WWOX: variants seen among roughly 807,000 people sequenced by gnomAD.
The protein encoded by WWOX is WW domain-containing oxidoreductase.
WWOX carries 69 observed loss-of-function variants against 46.2 expected under a neutral mutation model. That is an observed-to-expected ratio of 1.49 (90% CI 1.23 to 1.82). The LOEUF is 1.82. WWOX is among the 40% of genes most tolerant of loss of function. The pLI is 0.00. For synonymous variants in WWOX, 359 were observed against 202.6 expected, an observed-to-expected ratio of 1.77 and a Z score of -6.56; for missense variants, 919 against 542.6, an observed-to-expected ratio of 1.69 and a Z score of -6.89.
chr16:79,180,122 G>A lies in WWOX; in HGVS notation c.1057-31486G>A, dbSNP rs532185708. On this transcript the variant is annotated intron_variant, in intron 8 of 8. Transcript: ENST00000566780. The stretch of plus-strand genomic sequence containing the variant: ...AGAAAGAATCTTTGCTATGTTAGAA[G>A]AGACTCTGGGGAATCCAGAGTCTTG... 1.1e-3 allele frequency among the ~76,000 whole-genome samples: 172 copies of A among 152,262 alleles called. 2 individuals are homozygous for A. The highest frequency in any genetic ancestry group is 4.0e-3 in the African/African-American group (166 of 41,562).
chr16:78,897,172 A>G (rs1265780867), intron 8 of WWOX: 2 of 136,642 alleles, frequency 1.5e-5, no homozygotes, highest in African/African-American at 5.3e-5. Context: ...ATCGCCTGGG[A>G]GGCAGAGGTT....
intron 8 of WWOX, among the ~76,000 whole-genome samples, chr16:78,893,713 C>G (rs916129253): frequency 6.6e-6 from 1 of 152,174 alleles, no homozygotes. Flanking sequence ...CTTCTGTGAA[C>G]TCATTAGCTT....
At chr16:79,032,013 G>C (rs568334890) in intron 8 of WWOX, among the ~76,000 whole-genome samples, 3 of 143,358 alleles carry the variant, frequency 2.1e-5, no homozygotes, top group Admixed American at 1.4e-4. Context: ...TTATTAGGTA[G>C]ACTCTCCTGG....
At chr16:78,344,623 C>A (rs981563960) in intron 5 of WWOX, among the ~76,000 whole-genome samples, 1 of 121,256 alleles carries the variant, frequency 8.2e-6, no homozygotes, top group African/African-American at 2.8e-5. Context: ...ACTGGCTGTA[C>A]AGAAGGGAAC....
At chr16:78,862,167 T>G (rs2043900634) in intron 8 of WWOX, among the ~76,000 whole-genome samples, 1 of 151,848 alleles carries the variant, frequency 6.6e-6, no homozygotes, top group Non-Finnish European at 1.5e-5. Flanking sequence ...TCTGTCTGTA[T>G]CTATACACAC....
chr16:78,991,486 A>T (rs1484588313), intron 8 of WWOX, among the ~76,000 whole-genome samples: 1 of 151,706 alleles, frequency 6.6e-6, no homozygotes. Flanking sequence ...CTGTAGTCCC[A>T]GCTACTCAGG....
chr16:78,724,179 G>A (rs143160491), intron 8 of WWOX, among the ~76,000 whole-genome samples: 6 of 152,126 alleles, frequency 3.9e-5, no homozygotes, highest in East Asian at 3.9e-4. Flanking sequence ...ATCTCACTCC[G>A]TCATTTATAA....
At chr16:78,664,312 G>A (rs1306797603) in intron 8 of WWOX, among the ~76,000 whole-genome samples, 3 of 152,208 alleles carry the variant, frequency 2.0e-5, no homozygotes, top group African/African-American at 7.2e-5. Context: ...GACTCCCAGT[G>A]TGGGCTGGCC....
intron 8 of WWOX, among the ~76,000 whole-genome samples, chr16:78,791,988 A>G (rs374610797): frequency 6.6e-6 from 1 of 152,020 alleles, no homozygotes; most frequent in African/African-American, 2.4e-5. Context: ...AAGGGAGGAA[A>G]TTTCTTTCAG....
intron 8 of WWOX, among the ~76,000 whole-genome samples, chr16:78,668,203 C>T (rs1049157740): frequency 1.3e-5 from 2 of 152,142 alleles, no homozygotes; most frequent in African/African-American, 2.4e-5. Context: ...CCACTGGAAC[C>T]TGGGAAGCGG....
chr16:78,394,989 G>A (rs553282564), intron 6 of WWOX, among the ~76,000 whole-genome samples: 1 of 152,314 alleles, frequency 6.6e-6, no homozygotes, highest in South Asian at 2.1e-4. Flanking sequence ...GTGCTTTGCA[G>A]GTTGTTGATT....
At chr16:78,326,527 T>C (rs2080620744) in intron 5 of WWOX, among the ~76,000 whole-genome samples, 1 of 144,764 alleles carries the variant, frequency 6.9e-6, no homozygotes, top group Non-Finnish European at 1.5e-5. Flanking sequence ...TGTGTTTCTC[T>C]GGATGTATTA....
intron 8 of WWOX, among the ~76,000 whole-genome samples, chr16:78,518,756 C>G (rs573282386): frequency 1.1e-3 from 160 of 152,240 alleles, no homozygotes; most frequent in Non-Finnish European, 1.6e-3. Context: ...CAGAACAAGG[C>G]CAGCTTCCTA....
intron 8 of WWOX, among the ~76,000 whole-genome samples, chr16:78,799,315 T>C (rs2050824566): frequency 6.6e-6 from 1 of 152,102 alleles, no homozygotes; most frequent in African/African-American, 2.4e-5. Context: ...AACCCCAGGG[T>C]AGATGCTAAC....
chr16:78,402,879 A>T lies in WWOX; in HGVS notation c.605+15931A>T, dbSNP rs72628242. ...CAGCTGGTGACAGGGGGACCACTCC[A>T]CTACCACATGTGAATTAATCCTCAA... On this transcript the variant is annotated intron_variant, in intron 6 of 8. Transcript: ENST00000566780. Among the ~76,000 whole-genome samples the T allele has an allele frequency of 2.0e-5, 3 of 152,290 alleles. No homozygotes were observed. In the South Asian group the frequency reaches 6.2e-4, roughly 32 times the overall value.
At chr16:78,156,689 C>T (rs556495850) in intron 4 of WWOX, among the ~76,000 whole-genome samples, 45 of 151,762 alleles carry the variant, frequency 3.0e-4, no homozygotes, top group African/African-American at 1.1e-3. Context: ...TTTGGGAGGT[C>T]GAGGTGGGTG....
chr16:79,122,890 A>AGG (rs1469800109), intron 8 of WWOX, among the ~76,000 whole-genome samples: 55 of 152,304 alleles, frequency 3.6e-4, no homozygotes, highest in African/African-American at 1.3e-3. Flanking sequence ...GAGGCTTGCA[A>AGG]TGGCCACCTC....
chr16:78,117,033 A>C (rs983638149), intron 4 of WWOX, among the ~76,000 whole-genome samples: 1 of 152,238 alleles, frequency 6.6e-6, no homozygotes, highest in Admixed American at 6.5e-5. Flanking sequence ...ATCTAGTTAG[A>C]TACATAAGTC....
chr16:78,168,542 C>T (rs1285692205), intron 5 of WWOX: 3 of 151,920 alleles, frequency 2.0e-5, no homozygotes, highest in African/African-American at 7.3e-5. Flanking sequence ...AGGCTCCTTG[C>T]TTGGTCCATC....
Sources: gnomAD v4.1 joint callset for allele counts (sites outside exome capture counted in the v4.1 genomes callset) on GRCh38, gnomAD v4.1.1 for gene constraint, MANE v1.5 for transcripts, NCBI Gene and HGNC (gene_info 2026-07-23, HGNC 2026-07-21) for gene names.